PRKAR1A: variants seen among roughly 807,000 people sequenced by gnomAD.
PRKAR1A encodes cAMP-dependent protein kinase type I-alpha regulatory subunit.
PRKAR1A carries 3 observed loss-of-function variants against 52.0 expected under a neutral mutation model. The ratio of observed to expected loss-of-function variants is 0.06; its 90% confidence interval spans 0.03 to 0.15. The LOEUF (loss-of-function observed/expected upper bound fraction) is 0.15. PRKAR1A is among the 10% of genes least tolerant of loss of function. The pLI, the probability that PRKAR1A is intolerant of heterozygous loss-of-function variation, is 1.00. For synonymous variants in PRKAR1A, 188 were observed against 168.4 expected (o/e 1.12, Z -0.90); for missense variants, 240 against 477.4 (o/e 0.50, Z 4.63).
chr17:68,532,776 C>T lies in PRKAR1A; in HGVS notation c.*2327C>T. On this transcript the variant is annotated 3_prime_UTR_variant, in exon 11 of 11. Transcript: ENST00000589228. Reference sequence around the variant, plus strand: ...AAATAATTTAAATTCTTAAATGAATCAGTTTTTCTTCCCTTTCTCCTTTCC... The same window carrying T: ...AAATAATTTAAATTCTTAAATGAATTAGTTTTTCTTCCCTTTCTCCTTTCC... 1 of 1,066,404 alleles carries T rather than the reference C, an allele frequency of 9.4e-7. No homozygotes were observed. The highest frequency in any genetic ancestry group is 1.6e-5 in the African/African-American group (1 of 61,220). 66.1% of individuals were successfully genotyped at this position (1,066,404 alleles called of 1,614,324 possible).
the PRKAR1A span, among the ~76,000 whole-genome samples, chr17:68,461,922 A>C: frequency 6.6e-6 from 1 of 152,202 alleles, no homozygotes; most frequent in Admixed American, 6.5e-5. The surrounding 1 kb of genome is among the most constrained non-coding windows in gnomAD (Gnocchi z 4.6). Context: ...GCCGAGCAGC[A>C]GGTGCAACTG....
At chr17:68,484,542 G>T in the PRKAR1A span, among the ~76,000 whole-genome samples, 8 of 143,298 alleles carry the variant, frequency 5.6e-5, no homozygotes, top group Non-Finnish European at 1.2e-4. Context: ...TCTTGCTTTT[G>T]CCTTGTTGAA....
At chr17:68,471,051 CT>C in the PRKAR1A span, among the ~76,000 whole-genome samples, 16 of 151,220 alleles carry the variant, frequency 1.1e-4, no homozygotes, top group African/African-American at 3.9e-4. Flanking sequence ...AAAAAACTAA[CT>C]CCTTTTTTTC....
chr17:68,513,458 GT>G (rs369819908), intron 1 of PRKAR1A, among the ~76,000 whole-genome samples: 6 of 152,124 alleles, frequency 3.9e-5, no homozygotes, highest in African/African-American at 1.4e-4. Context: ...TTCTCAAAGT[GT>G]TTTTATTTAT....
the PRKAR1A span, among the ~76,000 whole-genome samples, chr17:68,437,974 GTGAC>G: frequency 6.2e-5 from 4 of 64,684 alleles, no homozygotes; most frequent in East Asian, 2.9e-4. Flanking sequence ...AAAAAAAAAA[GTGAC>G]TGGCGTCTAT....
In PRKAR1A at chr17:68,525,892, A is replaced by G; in HGVS notation, c.688A>G (p.Ser230Gly). 1 of 1,613,884 alleles carries G rather than the reference A, an allele frequency of 6.2e-7. No individual in the cohort carries two copies. The highest frequency in any genetic ancestry group is 8.5e-7 in the Non-Finnish European group (1 of 1,179,858). ...GAAATTGTGGGGCATCGACCGAGAC[A>G]GCTATAGAAGAATCCTCATGGTAAG... ...NVKLWGIDRD[S>G]YRRILMGSTL... The change falls in exon 7 of 11, where the codon AGC becomes GGC. Residue 230 changes from serine (S) to glycine (G), a missense_variant. By Grantham distance (56) the Ser-to-Gly change is moderately conservative. Coordinates refer to ENST00000589228, the MANE Select transcript of PRKAR1A (RefSeq NM_002734.5).
At chr17:68,431,832 C>T in the PRKAR1A span, among the ~76,000 whole-genome samples, 1 of 19,390 alleles carries the variant, frequency 5.2e-5, no homozygotes, top group Non-Finnish European at 1.1e-4. Flanking sequence ...TGCTCACAGA[C>T]AGAAACGGGA....
chr17:68,486,678 A>G, the PRKAR1A span, among the ~76,000 whole-genome samples: 1 of 150,610 alleles, frequency 6.6e-6, no homozygotes, highest in East Asian at 1.9e-4. Flanking sequence ...AAAATAAATT[A>G]TGCTCATTGT....
chr17:68,457,445 C>CTT, the PRKAR1A span: 4 of 1,386,748 alleles, frequency 2.9e-6, no homozygotes, highest in South Asian at 6.1e-5. Flanking sequence ...CGGGAAGCCG[C>CTT]AGCTCGGAGC....
chr17:68,524,778 C>A, intron 5 of PRKAR1A, 134 bp from the exon 6 acceptor site: 1 of 734,082 alleles, frequency 1.4e-6, no homozygotes, highest in African/African-American at 1.8e-5. Flanking sequence ...GATTTTCTTT[C>A]CCCTGAAAGA....
chr17:68,438,339 A>G, the PRKAR1A span, among the ~76,000 whole-genome samples: 3 of 152,152 alleles, frequency 2.0e-5, no homozygotes, highest in Non-Finnish European at 2.9e-5. Flanking sequence ...TGGAAACCCC[A>G]ATTCCTCACC....
chr17:68,464,267 A>G, the PRKAR1A span, among the ~76,000 whole-genome samples: 3 of 152,162 alleles, frequency 2.0e-5, no homozygotes, highest in African/African-American at 7.2e-5. Context: ...TGATGAAACC[A>G]CCTGCTTCAC....
the PRKAR1A span, among the ~76,000 whole-genome samples, chr17:68,498,355 C>A: frequency 1.3e-5 from 2 of 152,140 alleles, no homozygotes; most frequent in Non-Finnish European, 2.9e-5. Flanking sequence ...TGAGTGTTTT[C>A]TCTGGTCTTA....
the PRKAR1A span, among the ~76,000 whole-genome samples, chr17:68,481,972 C>A: frequency 6.6e-6 from 1 of 152,292 alleles, no homozygotes; most frequent in East Asian, 1.9e-4. Flanking sequence ...GGAAGAAATG[C>A]CCTACCTTTA....
At chr17:68,504,990 G>A in the PRKAR1A span, among the ~76,000 whole-genome samples, 3 of 152,062 alleles carry the variant, frequency 2.0e-5, no homozygotes, top group African/African-American at 4.8e-5. Context: ...AAAAACATAG[G>A]GAGAAAGTAT....
intron 2 of PRKAR1A, among the ~76,000 whole-genome samples, chr17:68,519,105 T>G (rs1233855625): frequency 6.6e-6 from 1 of 151,296 alleles, no homozygotes; most frequent in Admixed American, 6.6e-5. Flanking sequence ...CATTTTCCTG[T>G]CTTCTTCTGA....
At chr17:68,544,114 A>C (rs945085563) in intron 11 of PRKAR1A, among the ~76,000 whole-genome samples, 1 of 152,164 alleles carries the variant, frequency 6.6e-6, no homozygotes, top group African/African-American at 2.4e-5. Flanking sequence ...ATGTCCAAGG[A>C]TGAAGAAAGG....
the PRKAR1A span, chr17:68,426,154 G>T: frequency 6.3e-7 from 1 of 1,591,984 alleles, no homozygotes; most frequent in Non-Finnish European, 8.6e-7. Flanking sequence ...TCCTCGCAGC[G>T]CCCCGCCGTC....
chr17:68,428,855 T>C, the PRKAR1A span: 1 of 1,614,078 alleles, frequency 6.2e-7, no homozygotes, highest in South Asian at 1.1e-5. Context: ...AGACACACTC[T>C]CCTCCATCCT....
Sources: allele counts gnomAD v4.1 joint callset (sites outside exome capture counted in the v4.1 genomes callset), GRCh38; gene constraint gnomAD v4.1.1; non-coding constraint Gnocchi (gnomAD v3.1); transcripts MANE v1.5; gene names NCBI Gene and HGNC (gene_info 2026-07-23, HGNC 2026-07-21).